Variants in ANKRD36C observed in about 807,000 individuals in gnomAD.
The protein encoded by ANKRD36C is ankyrin repeat domain 36C.
Under a neutral mutation model 276.4 loss-of-function variants are expected in ANKRD36C, and 61 were observed. The ratio of observed to expected loss-of-function variants is 0.22; its 90% CI spans 0.18 to 0.27. The LOEUF (loss-of-function observed/expected upper bound fraction) is 0.27, where lower values mean the gene tolerates loss of function less well. ANKRD36C is among the 10% of genes least tolerant of loss of function. The probability of loss-of-function intolerance (pLI) is 1.00; values close to 1 mark genes in which losing one functional copy is unlikely to be tolerated. For synonymous variants in ANKRD36C, 483 were observed against 680.1 expected (o/e 0.71, Z 4.51); for missense variants, 1,447 against 2,032.3 (o/e 0.71, Z 5.54).
Position 95,915,966 on chromosome 2 carries a change from T to G in ANKRD36C, c.2449+14A>C, listed in dbSNP as rs1677082230. 1 of 1,544,186 alleles carries G rather than the reference T, an allele frequency of 6.5e-7. No individual in the cohort carries two copies. Among genetic ancestry groups the G allele is most frequent in the Admixed American group, 2.0e-5 (1 of 51,052 alleles). On this transcript the variant is annotated intron_variant, in intron 38 of 66. Transcript: ENST00000456556. The stretch of plus-strand genomic sequence containing the variant: ...TGGACTGAACATGACATTAAATGTG[T>G]TTTGCAAAATTACCTGTCCTAGATA...
intron 59 of ANKRD36C, among the ~76,000 whole-genome samples, chr2:95,870,519 C>A (rs190403700): frequency 1.3e-5 from 2 of 152,136 alleles, no homozygotes; most frequent in Admixed American, 1.3e-4. Context: ...ATCTGTACAT[C>A]ACCATCATCA....
intron 3 of ANKRD36C, 108 bp downstream of exon 3, chr2:95,986,643 T>A: frequency 8.3e-7 from 1 of 1,197,644 alleles, no homozygotes; most frequent in Non-Finnish European, 1.1e-6. Flanking sequence ...AATATTTTCA[T>A]TCAAGGAATG....
exon 60 of ANKRD36C, chr2:95,867,478 A>T: frequency 7.1e-7 from 1 of 1,410,238 alleles, no homozygotes; most frequent in East Asian, 2.5e-5. Flanking sequence ...GAGTAATATG[A>T]CATTCTTACA....
intron 46 of ANKRD36C, 137 bp downstream of exon 66, chr2:95,891,528 C>A: frequency 1.6e-6 from 2 of 1,227,074 alleles, no homozygotes; most frequent in East Asian, 2.6e-5. Flanking sequence ...CACCCAAGAA[C>A]TTATTTGAAA....
chr2:95,873,462 C>G (rs1418432165), intron 59 of ANKRD36C, among the ~76,000 whole-genome samples: 1 of 152,202 alleles, frequency 6.6e-6, no homozygotes, highest in African/African-American at 2.4e-5. Flanking sequence ...TGACAAAATT[C>G]AACAACCCTT....
intron 22 of ANKRD36C, among the ~76,000 whole-genome samples, chr2:95,936,584 G>T (rs79807425): frequency 6.8e-6 from 1 of 147,884 alleles, no homozygotes; most frequent in East Asian, 2.0e-4. Flanking sequence ...TTCTGTTCGA[G>T]TGCGAATATA....
chr2:95,985,129 A>G (rs944157914), intron 3 of ANKRD36C, among the ~76,000 whole-genome samples: 11 of 152,346 alleles, frequency 7.2e-5, no homozygotes, highest in African/African-American at 1.9e-4. Context: ...TCTACTTATT[A>G]AAAGAGTCCA....
intron 40 of ANKRD36C, among the ~76,000 whole-genome samples, chr2:95,913,657 G>A (rs925772321): frequency 6.6e-5 from 10 of 151,416 alleles, no homozygotes; most frequent in South Asian, 2.1e-4. Context: ...CTCACAATCC[G>A]TCTTCCTTAG....
intron 42 of ANKRD36C, among the ~76,000 whole-genome samples, chr2:95,911,955 G>A (rs573927311): frequency 4.0e-5 from 6 of 151,522 alleles, no homozygotes; most frequent in Middle Eastern, 3.4e-3. Context: ...ATGAAAAGAT[G>A]CTACAGAATT....
chr2:95,960,683 G>C lies in ANKRD36C; in HGVS notation c.902-16C>G, dbSNP rs1461373915. On this transcript the variant is annotated splice_polypyrimidine_tract_variant and intron_variant, in intron 8 of 66. Coordinates refer to ENST00000456556, the Ensembl canonical transcript of ANKRD36C. ...TGAGAAGACACTGAAAACCAGAAGG[G>C]ATACATAATCACTCATATGTAAATA... 8.0e-6 allele frequency: 8 copies of C among 1,002,894 alleles called. No individual in the cohort carries two copies. The highest frequency in any genetic ancestry group is 5.3e-5 in the East Asian group (2 of 37,934). The allele number at this position is 1,002,894 out of a possible 1,614,324, so 62.1% of individuals were successfully genotyped here.
chr2:95,909,939 T>A (rs897724610), intron 42 of ANKRD36C, among the ~76,000 whole-genome samples: 7 of 150,944 alleles, frequency 4.6e-5, no homozygotes, highest in Non-Finnish European at 1.5e-5. Flanking sequence ...GGAAAATGAT[T>A]GCTACACCAG....
chr2:95,926,306 T>A (rs557319099), intron 28 of ANKRD36C, among the ~76,000 whole-genome samples: 1 of 151,778 alleles, frequency 6.6e-6, no homozygotes, highest in East Asian at 1.9e-4. Context: ...TAGATATGAA[T>A]AACCTTTTAC....
At chr2:95,923,761 T>C (rs1466746688) in intron 30 of ANKRD36C, 72 bp from the exon 31 acceptor site, 11 of 1,589,144 alleles carry the variant, frequency 6.9e-6, no homozygotes, top group Non-Finnish European at 9.4e-6. Context: ...TCATGAAGTG[T>C]TAGAATCAAG....
chr2:95,892,577 T>A (rs1343366142), intron 44 of ANKRD36C, among the ~76,000 whole-genome samples: 1 of 151,576 alleles, frequency 6.6e-6, no homozygotes, highest in African/African-American at 2.4e-5. Flanking sequence ...AATTTTGACA[T>A]ACCTATACAA....
intron 44 of ANKRD36C, among the ~76,000 whole-genome samples, chr2:95,896,898 T>C (rs1240524953): frequency 6.7e-6 from 1 of 149,172 alleles, no homozygotes; most frequent in Non-Finnish European, 1.5e-5. Flanking sequence ...ACAAGCTTTC[T>C]GTCTTTTCTT....
intron 46 of ANKRD36C, 43 bp from the exon 67 acceptor site, chr2:95,890,037 G>T: frequency 6.3e-7 from 1 of 1,592,078 alleles, no homozygotes. Flanking sequence ...ACGTAAATAT[G>T]ATAAAGTTAT....
intron 50 of ANKRD36C, among the ~76,000 whole-genome samples, chr2:95,886,985 G>A (rs1022424897): frequency 8.6e-5 from 13 of 151,410 alleles, no homozygotes; most frequent in Non-Finnish European, 1.5e-4. Context: ...ACTGCTACAA[G>A]TATTGGATAT....
At position 95,860,982 on chromosome 2, in the gene ANKRD36C, G is replaced by A. The variant is rs62156926; in HGVS notation, c.3683-908C>T. ...ACAGTTAAAGAAAATTAGCAGAAAC[G>A]ATGTCTGGGGTTCACACAATGACTG... On this transcript the variant is annotated intron_variant, in intron 60 of 66. Transcript: ENST00000456556. Among the ~76,000 whole-genome samples, 10 of 152,174 alleles carry A rather than the reference G, an allele frequency of 6.6e-5. No homozygotes were observed. In the Middle Eastern group the frequency reaches 0.01, roughly 155 times the overall value.
At chr2:95,928,815 C>G (rs1409860760) in intron 26 of ANKRD36C, among the ~76,000 whole-genome samples, 1 of 151,430 alleles carries the variant, frequency 6.6e-6, no homozygotes, top group African/African-American at 2.4e-5. Flanking sequence ...GCTCCCTGAG[C>G]CTGGTATGTG....
Sources: allele counts gnomAD v4.1 joint callset (sites outside exome capture counted in the v4.1 genomes callset), GRCh38; gene constraint gnomAD v4.1.1; transcripts MANE v1.5; gene names NCBI Gene and HGNC (gene_info 2026-07-23, HGNC 2026-07-21).